The following CSNK1D variants were observed in gnomAD, a reference collection of about 807,000 sequenced individuals.
The protein encoded by CSNK1D is casein kinase 1 delta, also known as casein kinase I isoform delta.
Under a neutral mutation model 46.6 loss-of-function variants are expected in CSNK1D, and 16 were observed. The observed-to-expected ratio is 0.34, with a 90% CI of 0.23 to 0.52. The LOEUF (loss-of-function observed/expected upper bound fraction) is 0.52. Ranked by LOEUF, CSNK1D falls within the 20% of genes least tolerant of loss-of-function variation. CSNK1D has a pLI of 0.95. For missense variants in CSNK1D, 398 were observed against 578.4 expected (o/e 0.69, Z 3.20); for synonymous variants, 276 against 228.2 (o/e 1.21, Z -1.89).
intron 2 of CSNK1D, chr17:82,265,390 G>A (rs1157965375): frequency 5.0e-6 from 2 of 401,502 alleles, no homozygotes; most frequent in African/African-American, 2.1e-5. Flanking sequence ...CGTTGGCCAG[G>A]CTAGTCTCAA....
At chr17:82,254,539 T>A in intron 3 of CSNK1D, 1 of 150,730 alleles carries the variant, frequency 6.6e-6, no homozygotes, top group South Asian at 5.2e-5. Flanking sequence ...CAGAAGCCAG[T>A]CAGCTGAGCC....
chr17:82,245,586 ACAGACGCCC>A, intron 8 of CSNK1D: 1 of 322,330 alleles, frequency 3.1e-6, no homozygotes, highest in Non-Finnish European at 6.0e-6. Context: ...TGAGCAGGAC[ACAGACGCCC>A]CTCCAGGCAC....
At chr17:82,266,789 G>C (rs992617842) in intron 1 of CSNK1D, 1 of 152,596 alleles carries the variant, frequency 6.6e-6, no homozygotes. Flanking sequence ...GGCCGGGCGC[G>C]GTGGCTCACG....
chr17:82,247,586 A>C (rs2050882771), intron 8 of CSNK1D: 8 of 985,446 alleles, frequency 8.1e-6, no homozygotes, highest in African/African-American at 1.7e-5. Flanking sequence ...AGCCAGCCGC[A>C]CATCAAGACA....
At position 82,243,038 on chromosome 17, in the gene CSNK1D, T is replaced by C. The variant is rs2050767099; in HGVS notation, c.*1743A>G. 1 of 985,214 alleles carries C rather than the reference T, an allele frequency of 1.0e-6. No homozygotes were observed. 61.0% of individuals were successfully genotyped at this position (985,214 alleles called of 1,614,324 possible). ...AAGGGGTCCAGCAACAAAGAAAATC[T>C]CTTAACTCGGCTCTGACCCACCCCA... is the stretch of plus-strand genomic sequence containing the variant. On this transcript the variant is annotated 3_prime_UTR_variant, in exon 9 of 9. Coordinates refer to ENST00000314028, the MANE Select transcript of CSNK1D (RefSeq NM_001893.6).
At chr17:82,247,459 C>T in intron 8 of CSNK1D, 2 of 985,524 alleles carry the variant, frequency 2.0e-6, no homozygotes, top group Non-Finnish European at 2.4e-6. Flanking sequence ...ACAAAAAGCA[C>T]TCAGGCCCCT....
Position 82,273,258 on chromosome 17 carries a change from C to G in CSNK1D, c.76+48G>C. On this transcript the variant is annotated intron_variant, in intron 1 of 8. Coordinates refer to ENST00000314028, the MANE Select transcript of CSNK1D (RefSeq NM_001893.6). This position sits in a 1 kb window ranked among gnomAD's most constrained non-coding sequence, Gnocchi z 5.1. ...CGCGATCGCGCTTGGTCTTGGCAGC[C>G]GCAGGGCCCGGGTCTTCGGGCGGCG... 6.4e-7 allele frequency: 1 copy of G among 1,567,700 alleles called. No homozygotes were observed. Among genetic ancestry groups the G allele is most frequent in the Non-Finnish European group, 8.7e-7 (1 of 1,155,492 alleles).
At chr17:82,271,186 G>A (rs2051613945) in intron 1 of CSNK1D, among the ~76,000 whole-genome samples, 2 of 152,026 alleles carry the variant, frequency 1.3e-5, no homozygotes, top group Non-Finnish European at 2.9e-5. Flanking sequence ...AGCAATTCTC[G>A]TGCCTCAGCC....
chr17:82,271,015 G>A (rs2051608270), intron 1 of CSNK1D, among the ~76,000 whole-genome samples: 1 of 152,186 alleles, frequency 6.6e-6, no homozygotes, highest in Non-Finnish European at 1.5e-5. Context: ...ATCTATCTTT[G>A]GAAAGCACAA....
chr17:82,241,154 C>G (rs1458927550), downstream of CSNK1D, among the ~76,000 whole-genome samples: 2 of 152,230 alleles, frequency 1.3e-5, no homozygotes, highest in Non-Finnish European at 2.9e-5. Context: ...GCACAGACTT[C>G]TTCACATGAT....
Position 82,252,412 on chromosome 17 carries a change from G to T in CSNK1D, c.736+22C>A. 2 of 1,613,954 alleles carry T rather than the reference G, an allele frequency of 1.2e-6. No homozygotes were observed. Among genetic ancestry groups the T allele is most frequent in the Non-Finnish European group, 1.7e-6 (2 of 1,179,874 alleles). ...CAACCCCTGTGAGCAGCTCCGCTGA[G>T]AAGAGGCCTCCAGAGACTTACAAGG... On this transcript the variant is annotated intron_variant, in intron 5 of 8. Transcript: ENST00000314028. The surrounding 1 kb of genome is among the most constrained non-coding windows in gnomAD (Gnocchi z 4.6).
chr17:82,242,865 C>T lies in CSNK1D; in HGVS notation c.*1916G>A, dbSNP rs977586396. 1.8e-5 allele frequency: 18 copies of T among 985,282 alleles called. No homozygotes were observed. In the East Asian group the frequency reaches 3.4e-4, roughly 19 times the overall value. 61.0% of individuals were successfully genotyped at this position (985,282 alleles called of 1,614,324 possible). A position where few individuals can be genotyped will look rare whatever the true frequency, so the allele number is the denominator to read the frequency against. On this transcript the variant is annotated 3_prime_UTR_variant, in exon 9 of 9. Transcript: ENST00000314028. ...CAAGCACTCCGAAGACGCGACCCGG[C>T]GAGGCTCGGGCTGGAACCCGGGCGC...
chr17:82,246,517 T>G, intron 8 of CSNK1D: 1 of 1,063,064 alleles, frequency 9.4e-7, no homozygotes. Flanking sequence ...CCAAACAGAC[T>G]CAGCAACTAG....
At chr17:82,263,477 G>C (rs1303906331) in intron 2 of CSNK1D, among the ~76,000 whole-genome samples, 1 of 152,230 alleles carries the variant, frequency 6.6e-6, no homozygotes, top group Non-Finnish European at 1.5e-5. Flanking sequence ...ACTGTCTGAA[G>C]AAAGTTTTGA....
intron 2 of CSNK1D, chr17:82,260,790 T>C (rs1306719771): frequency 6.5e-6 from 1 of 153,718 alleles, no homozygotes; most frequent in Non-Finnish European, 1.4e-5. Context: ...GTGTACTGAG[T>C]GATGAGACTG....
At chr17:82,254,849 G>A (rs1250202223) in intron 3 of CSNK1D, among the ~76,000 whole-genome samples, 5 of 129,462 alleles carry the variant, frequency 3.9e-5, no homozygotes, top group East Asian at 4.8e-4. Context: ...CCGGGGCCTC[G>A]AGAAGCCAGT....
At chr17:82,242,084 G>C (rs1273572303), downstream of CSNK1D, among the ~76,000 whole-genome samples, 1 of 152,044 alleles carries the variant, frequency 6.6e-6, no homozygotes, top group Non-Finnish European at 1.5e-5. Flanking sequence ...GGAGCTGGGA[G>C]GGGAGGCGGC....
rs543526725 is a variant in CSNK1D, at chr17:82,249,638, G to A, written c.886-36C>T. On this transcript the variant is annotated intron_variant, in intron 6 of 8. Transcript: ENST00000314028. This position sits in a 1 kb window ranked among gnomAD's most constrained non-coding sequence, Gnocchi z 6.7. ...AGGAGGTGAGGCCGGAATGGAACCA[G>A]CTTTGGCAGAAAGCAACCCTAGGTC... is the stretch of plus-strand genomic sequence containing the variant. 1.9e-6 allele frequency: 3 copies of A among 1,551,606 alleles called. No homozygotes were observed. Among genetic ancestry groups the A allele is most frequent in the South Asian group, 2.4e-5 (2 of 84,952 alleles).
At chr17:82,241,296 G>A (rs559400225), downstream of CSNK1D, among the ~76,000 whole-genome samples, 1 of 152,346 alleles carries the variant, frequency 6.6e-6, no homozygotes, top group African/African-American at 2.4e-5. Flanking sequence ...GAAAGGGCTT[G>A]GTGGCCCCGG....
Sources: allele counts gnomAD v4.1 joint callset (sites outside exome capture counted in the v4.1 genomes callset), GRCh38; gene constraint gnomAD v4.1.1; non-coding constraint Gnocchi (gnomAD v3.1); transcripts MANE v1.5; gene names NCBI Gene and HGNC (gene_info 2026-07-23, HGNC 2026-07-21).